Variants in ZCCHC9 observed in about 807,000 individuals in gnomAD.
ZCCHC9 encodes zinc finger CCHC-type containing 9.
In ZCCHC9, 18 loss-of-function variants were observed where a neutral mutation model predicts 30.8. The ratio of observed to expected loss-of-function variants is 0.58; its 90% CI spans 0.40 to 0.87. The LOEUF is 0.87. Among genes scored for constraint, ZCCHC9 ranks in the 40% least tolerant of loss-of-function variants. ZCCHC9 has a pLI of 0.00. For synonymous variants in ZCCHC9, 94 were observed against 106.7 expected (o/e 0.88, Z 0.73); for missense variants, 279 against 331.2 (o/e 0.84, Z 1.22).
chr5:81,308,257 A>G, intron 2 of ZCCHC9: 1 of 201,136 alleles, frequency 5.0e-6, no homozygotes, highest in Non-Finnish European at 9.9e-6. Flanking sequence ...TCCAGTTAAT[A>G]AAATGAATAG....
intron 2 of ZCCHC9, among the ~76,000 whole-genome samples, chr5:81,308,190 G>GT (rs1758146149): frequency 6.6e-6 from 1 of 151,932 alleles, no homozygotes; most frequent in African/African-American, 2.4e-5. Flanking sequence ...TTGAGTGACA[G>GT]TTTTTATAGC....
intron 4 of ZCCHC9, among the ~76,000 whole-genome samples, chr5:81,309,745 C>T (rs1251305410): frequency 6.6e-6 from 1 of 152,148 alleles, no homozygotes; most frequent in Admixed American, 6.6e-5. Context: ...GGCCAACTAC[C>T]AAACTCTGAT....
intron 3 of ZCCHC9, 83 bp from the exon 4 acceptor site, chr5:81,308,863 T>C: frequency 7.2e-7 from 1 of 1,392,704 alleles, no homozygotes; most frequent in Non-Finnish European, 9.7e-7. Flanking sequence ...ATATATTTTT[T>C]ATTCAGAGTA....
In ZCCHC9 at chr5:81,305,019, A is replaced by C. The variant is rs2112868902; in HGVS notation, c.262A>C (p.Asn88His). 1.9e-6 allele frequency: 3 copies of C among 1,614,216 alleles called. No homozygotes were observed. In the East Asian group the frequency reaches 6.7e-5, roughly 36 times the overall value. Residue 88 changes from asparagine (N) to histidine (H), a missense_variant, in exon 2 of 6, where the codon AAT (asparagine) becomes CAT (histidine). Physicochemically the swap from Asn to His is moderately conservative, Grantham distance 68. Transcript: ENST00000407610. ...AAGACAGAATTCACAGATGGTTCAC[A>C]ATGGGCAAATTATAGCAACAGACAG... ...YLRQNSQMVH[N>H]GQIIATDSEE...
At chr5:81,303,173 G>A (rs1453598552) in intron 1 of ZCCHC9, 1 of 152,166 alleles carries the variant, frequency 6.6e-6, no homozygotes, top group African/African-American at 2.4e-5. Flanking sequence ...CGCGCCTGTA[G>A]CTGGGACTAC....
At chr5:81,308,341 T>C (rs1758150175) in intron 2 of ZCCHC9, 4 of 473,312 alleles carry the variant, frequency 8.5e-6, no homozygotes, top group Non-Finnish European at 1.1e-5. Flanking sequence ...CTGAGATTTA[T>C]GGATTTATTG....
intron 2 of ZCCHC9, 162 bp from the exon 3 acceptor site, chr5:81,308,399 C>T (rs917213411): frequency 1.0e-5 from 8 of 794,588 alleles, no homozygotes; most frequent in African/African-American, 7.2e-5. Flanking sequence ...AAGGATATCT[C>T]GTTGTTTAGG....
At position 81,311,229 on chromosome 5, in the gene ZCCHC9, G is replaced by A; in HGVS notation, c.647G>A (p.Cys216Tyr). The A allele has an allele frequency of 6.2e-7, 1 of 1,614,124 alleles. No homozygotes were observed. Reference sequence around the variant, plus strand: ...TCAATAGGTGGCGGTTGCAAACTTTGTGGCTCTGTGGAACATTTAAAGAAA... The same window carrying A: ...TCAATAGGTGGCGGTTGCAAACTTTATGGCTCTGTGGAACATTTAAAGAAA... ...LYADGGGCKLCGSVEHLKKDC... is the reference protein window; with the variant it reads ...LYADGGGCKLYGSVEHLKKDC... The change falls in exon 5 of 6, where the codon TGT becomes TAT. Residue 216 changes from cysteine to tyrosine, a missense_variant. Transcript: ENST00000407610.
At chr5:81,311,155 G>T (rs1758270418) in intron 4 of ZCCHC9, 56 bp from the exon 5 acceptor site, 1 of 1,592,086 alleles carries the variant, frequency 6.3e-7, no homozygotes, top group Non-Finnish European at 8.6e-7. Flanking sequence ...GCTTTGAGAT[G>T]TTAAAAACCC....
rs754775359 is a variant in ZCCHC9, at chr5:81,305,064, A to C, written c.307A>C (p.Ile103Leu). Residue 103 changes from isoleucine (I) to leucine (L), a missense_variant, in exon 2 of 6, where the codon ATT becomes CTT. Transcript: ENST00000407610. Reference sequence around the variant, plus strand: ...AGACAGTGAGGAAGTAAGGGAAGAAATTGCAGTTGCTTTAAAGAAAGACAG... The same window carrying C: ...AGACAGTGAGGAAGTAAGGGAAGAACTTGCAGTTGCTTTAAAGAAAGACAG... ...ATDSEEVREEIAVALKKDSRR... is the reference protein window; with the variant it reads ...ATDSEEVREELAVALKKDSRR... 2 of 1,612,052 alleles carry C rather than the reference A, an allele frequency of 1.2e-6. No individual in the cohort carries two copies. The highest frequency in any genetic ancestry group is 2.7e-5 in the African/African-American group (2 of 74,750).
Position 81,312,621 on chromosome 5 carries a change from C to T in ZCCHC9, c.775C>T (p.Gln259Ter), listed in dbSNP as rs1561309306. ...AGAAATTTTGGATGTACCTAAACCG[C>T]AAAAACCCAAAACAAAAATACCTAA... is the stretch of plus-strand genomic sequence containing the variant. ...YEEILDVPKP[Q>*]KPKTKIPKVV... Residue 259 changes from glutamine (Q) to a stop codon, truncating the protein, a stop_gained, in exon 6 of 6, where the codon CAA becomes TAA. Transcript: ENST00000407610. LOFTEE classifies it high-confidence loss of function. The T allele has an allele frequency of 1.2e-6, 2 of 1,613,786 alleles. No individual in the cohort carries two copies. Among genetic ancestry groups the T allele is most frequent in the Non-Finnish European group, 1.7e-6 (2 of 1,179,782 alleles).
chr5:81,308,369 C>G, intron 2 of ZCCHC9, 192 bp from the exon 3 acceptor site: 1 of 589,140 alleles, frequency 1.7e-6, no homozygotes, highest in Non-Finnish European at 2.7e-6. Context: ...TTTTCAAAAG[C>G]AATGAAACCC....
At chr5:81,306,678 C>T (rs1245437485) in intron 2 of ZCCHC9, among the ~76,000 whole-genome samples, 8 of 151,974 alleles carry the variant, frequency 5.3e-5, no homozygotes, top group South Asian at 2.1e-4. Context: ...TACTAAGCAT[C>T]GGTCCTTAAA....
chr5:81,308,868 A>G, intron 3 of ZCCHC9, 78 bp from the exon 4 acceptor site: 2 of 1,410,960 alleles, frequency 1.4e-6, no homozygotes, highest in Non-Finnish European at 9.6e-7. Flanking sequence ...TTTTTTATTC[A>G]GAGTATTTTA....
chr5:81,308,167 A>G (rs538145703), intron 2 of ZCCHC9, among the ~76,000 whole-genome samples: 62 of 152,232 alleles, frequency 4.1e-4, no homozygotes, highest in African/African-American at 1.4e-3. Context: ...ATAATTATAT[A>G]CAAATACAAA....
intron 5 of ZCCHC9, among the ~76,000 whole-genome samples, chr5:81,311,607 A>G (rs1204832335): frequency 6.6e-6 from 1 of 152,226 alleles, no homozygotes; most frequent in East Asian, 1.9e-4. Context: ...TTCACTGAGA[A>G]AATAAAAAAT....
intron 2 of ZCCHC9, among the ~76,000 whole-genome samples, chr5:81,308,023 A>AAAATCTATCTG (rs1554049984): frequency 0.022 from 344 of 15,902 alleles, 8 homozygotes; most frequent in Middle Eastern, 0.045. Flanking sequence ...AAAAAAAAAA[A>AAAATCTATCTG]TCTATCTATC....
rs928970616 is a variant in ZCCHC9, at chr5:81,304,841, C to T, written c.84C>T (p.Ser28=). The T allele has an allele frequency of 6.2e-7, 1 of 1,613,954 alleles. No individual in the cohort carries two copies. The highest frequency in any genetic ancestry group is 1.3e-5 in the African/African-American group (1 of 74,892). Residue 28 remains serine (S), a synonymous_variant, in exon 2 of 6, where the codon TCC becomes TCT. Transcript: ENST00000407610. ...CATGGGAGGACATGAAGAAGGGATC[C>T]TTTGAGGGAACAAGCCAAAACCTAC... ...ATSWEDMKKG[S]FEGTSQNLPK...
At position 81,306,188 on chromosome 5, in the gene ZCCHC9, G is replaced by A. The variant is rs1758077692; in HGVS notation, c.384+1047G>A. The stretch of plus-strand genomic sequence containing the variant: ...CACCACTTCATAAGAATGAGGACTT[G>A]TTGCTAGTTATTATACTTTTATTTT... On this transcript the variant is annotated intron_variant, in intron 2 of 5. Transcript: ENST00000407610. 2.6e-5 allele frequency among the ~76,000 whole-genome samples: 4 copies of A among 152,206 alleles called. No homozygotes were observed. In the South Asian group the frequency reaches 8.3e-4, roughly 31 times the overall value.
Sources: allele counts gnomAD v4.1 joint callset (sites outside exome capture counted in the v4.1 genomes callset), GRCh38; gene constraint gnomAD v4.1.1; transcripts MANE v1.5; gene names NCBI Gene and HGNC (gene_info 2026-07-23, HGNC 2026-07-21).